The following ZC3H8 variants were observed in gnomAD, a reference collection of about 807,000 sequenced individuals.
The protein encoded by ZC3H8 is zinc finger CCCH domain-containing protein 8.
In ZC3H8, 27 loss-of-function variants were observed where a neutral mutation model predicts 42.5. The observed-to-expected ratio is 0.64, with a 90% CI of 0.47 to 0.88. The LOEUF is 0.88. Ranked by LOEUF, ZC3H8 falls within the 40% of genes least tolerant of loss-of-function variation. The pLI is 0.00. For synonymous variants in ZC3H8, 101 were observed against 110.1 expected, an observed-to-expected ratio of 0.92 and a Z score of 0.52; for missense variants, 277 against 336.1, an observed-to-expected ratio of 0.82 and a Z score of 1.37.
intron 4 of ZC3H8, among the ~76,000 whole-genome samples, chr2:112,234,563 G>C (rs1231724215): frequency 6.6e-6 from 1 of 152,230 alleles, no homozygotes; most frequent in Non-Finnish European, 1.5e-5. Context: ...CACTTTGGGA[G>C]GCTGAGGCGG....
chr2:112,227,217 A>ATTAGAAAGG (rs1684878458), intron 8 of ZC3H8, among the ~76,000 whole-genome samples: 1 of 152,252 alleles, frequency 6.6e-6, no homozygotes, highest in Non-Finnish European at 1.5e-5. Flanking sequence ...AATAAAAAGC[A>ATTAGAAAGG]TTAGAAAGGT....
intron 2 of ZC3H8, among the ~76,000 whole-genome samples, chr2:112,238,892 T>G (rs946018839): frequency 3.3e-5 from 5 of 152,234 alleles, no homozygotes; most frequent in Non-Finnish European, 7.3e-5. Flanking sequence ...CACATTACAT[T>G]TCTGCCTTTG....
At chr2:112,231,602 G>A (rs1017341259) in intron 7 of ZC3H8, among the ~76,000 whole-genome samples, 5 of 152,112 alleles carry the variant, frequency 3.3e-5, no homozygotes, top group Admixed American at 3.3e-4. Flanking sequence ...TAATTATACT[G>A]AAGATTTTAC....
chr2:112,245,471 T>C (rs960873586), intron 2 of ZC3H8, among the ~76,000 whole-genome samples: 6 of 152,166 alleles, frequency 3.9e-5, no homozygotes, highest in African/African-American at 7.2e-5. Flanking sequence ...CTAGCCAACA[T>C]AGTGAAACCC....
chr2:112,252,719 G>T (rs1685992648), intron 1 of ZC3H8, among the ~76,000 whole-genome samples: 1 of 152,044 alleles, frequency 6.6e-6, no homozygotes, highest in East Asian at 1.9e-4. Flanking sequence ...CTCCGTCTGA[G>T]GACCTTTATA....
rs1414296852 is a variant in ZC3H8, at chr2:112,211,727, G to C, written c.*4757C>G. ...GATGTTAAATAATGTGTAGCTCAGAGTAACATACAATAACTAAAAACATGT... is the reference window on the plus strand; with the variant it reads ...GATGTTAAATAATGTGTAGCTCAGACTAACATACAATAACTAAAAACATGT... On this transcript the variant is annotated 3_prime_UTR_variant, in exon 9 of 9. Transcript: ENST00000409573. 2 of 151,160 alleles carry C rather than the reference G, an allele frequency of 1.3e-5. No homozygotes were observed. Among genetic ancestry groups the C allele is most frequent in the Non-Finnish European group, 3.0e-5 (2 of 67,642 alleles). The allele number at this position is 151,160 out of a possible 1,614,324, so 9.4% of individuals were successfully genotyped here.
At chr2:112,246,935 G>A (rs1442730458) in intron 2 of ZC3H8, among the ~76,000 whole-genome samples, 1 of 152,156 alleles carries the variant, frequency 6.6e-6, no homozygotes, top group Admixed American at 6.5e-5. Flanking sequence ...TTAAGAAATT[G>A]CCAGAGCCAC....
chr2:112,230,747 T>C (rs1045086956), intron 8 of ZC3H8, 156 bp downstream of exon 8: 1 of 374,012 alleles, frequency 2.7e-6, no homozygotes, highest in Non-Finnish European at 4.6e-6. Context: ...TGTAGATCCA[T>C]ATAGGTATGT....
chr2:112,231,725 C>A, intron 7 of ZC3H8, 113 bp downstream of exon 7: 1 of 506,316 alleles, frequency 2.0e-6, no homozygotes. Context: ...CCTAATATAT[C>A]CCATATGCTA....
intron 2 of ZC3H8, among the ~76,000 whole-genome samples, chr2:112,248,969 C>T (rs1685851830): frequency 6.6e-6 from 1 of 152,140 alleles, no homozygotes; most frequent in Non-Finnish European, 1.5e-5. Context: ...CCGAGGCGGT[C>T]AGATCGCTTG....
Position 112,228,115 on chromosome 2 carries a change from A to G in ZC3H8, c.*15+2788T>C, listed in dbSNP as rs113976045. Among the ~76,000 whole-genome samples, 35 of 152,376 alleles carry G rather than the reference A, an allele frequency of 2.3e-4. 2 individuals carry two copies. Among genetic ancestry groups the G allele is most frequent in the African/African-American group, 7.5e-4 (31 of 41,592 alleles). ...CACATATAGAGGTCAATGGAACACA[A>G]CTAAGTACAGAAATAAATCCATACA... On this transcript the variant is annotated intron_variant, in intron 8 of 8. Transcript: ENST00000409573.
intron 1 of ZC3H8, among the ~76,000 whole-genome samples, chr2:112,253,026 C>T (rs1332262725): frequency 1.3e-5 from 2 of 151,778 alleles, no homozygotes; most frequent in African/African-American, 2.4e-5. Context: ...CCCAGCTACT[C>T]GGGAGGCTGA....
At chr2:112,242,474 G>A (rs894281162) in intron 2 of ZC3H8, among the ~76,000 whole-genome samples, 5 of 152,192 alleles carry the variant, frequency 3.3e-5, no homozygotes, top group African/African-American at 1.2e-4. Context: ...GAGATGCTCA[G>A]TTATAAATTG....
chr2:112,235,210 C>G (rs1375541399), intron 4 of ZC3H8, among the ~76,000 whole-genome samples: 2 of 152,168 alleles, frequency 1.3e-5, no homozygotes, highest in African/African-American at 2.4e-5. Context: ...GCTGACTGTA[C>G]AGTCATTTAT....
chr2:112,233,493 G>A, intron 5 of ZC3H8, 122 bp from the exon 6 acceptor site: 1 of 667,258 alleles, frequency 1.5e-6, no homozygotes, highest in Non-Finnish European at 2.6e-6. Flanking sequence ...CTTAGAGGTA[G>A]CACATTCTAA....
At chr2:112,218,677 CAT>C (rs1000788182) in intron 8 of ZC3H8, among the ~76,000 whole-genome samples, 10 of 152,130 alleles carry the variant, frequency 6.6e-5, no homozygotes, top group Middle Eastern at 6.8e-3. Context: ...AATTTGGAAA[CAT>C]AGAGAGAGAG....
At chr2:112,240,966 TGTGTGTGTGTGTGTGTGTGC>T (rs1313133610) in intron 2 of ZC3H8, among the ~76,000 whole-genome samples, 1 of 144,654 alleles carries the variant, frequency 6.9e-6, no homozygotes, top group Non-Finnish European at 1.5e-5. Flanking sequence ...TGTGTGTGTG[TGTGTGTGTGTGTGTGTGTGC>T]GCGTGTGTAT....
Position 112,230,882 on chromosome 2 carries a change from TGTG to T in ZC3H8, c.*15+18_*15+20del, listed in dbSNP as rs763849242. ...GATGTTCAGACAAGAAAAAAAGAAA[TGTG>T]GTAAATTCTAATTTTACCTTTTTAT... On this transcript the variant is annotated intron_variant, in intron 8 of 8. Coordinates refer to ENST00000409573, the MANE Select transcript of ZC3H8 (RefSeq NM_032494.3). 7.6e-5 allele frequency: 98 copies of T among 1,294,434 alleles called. No individual in the cohort carries two copies. Among genetic ancestry groups the T allele is most frequent in the Non-Finnish European group, 9.6e-5 (95 of 985,196 alleles). 80.2% of individuals were successfully genotyped at this position (1,294,434 alleles called of 1,614,324 possible).
At chr2:112,254,776 GCCCACGTGCTC>G (rs1055273628) in intron 1 of ZC3H8, 121 bp downstream of exon 1, 8 of 1,069,382 alleles carry the variant, frequency 7.5e-6, no homozygotes, top group Non-Finnish European at 1.1e-5. Context: ...CGCCCGGCCG[GCCCACGTGCTC>G]CCCACGGGCC....
Sources: gnomAD v4.1 joint callset for allele counts (sites outside exome capture counted in the v4.1 genomes callset) on GRCh38, gnomAD v4.1.1 for gene constraint, MANE v1.5 for transcripts, NCBI Gene and HGNC (gene_info 2026-07-23, HGNC 2026-07-21) for gene names.